AFF4: variants seen among roughly 807,000 people sequenced by gnomAD.
The protein encoded by AFF4 is ALF transcription elongation factor 4, also known as AF4/FMR2 family member 4.
A neutral mutation model predicts 124.8 loss-of-function variants in AFF4; 13 were observed. The observed-to-expected ratio is 0.10, with a 90% confidence interval of 0.07 to 0.17. The LOEUF is 0.17. AFF4 is among the 10% of genes least tolerant of loss of function. AFF4 has a pLI of 1.00. For missense variants in AFF4, 1,092 were observed against 1,403.8 expected, an observed-to-expected ratio of 0.78 and a Z score of 3.55; for synonymous variants, 477 against 496.1, an observed-to-expected ratio of 0.96 and a Z score of 0.51.
chr5:132,902,821 C>T (rs561498349), intron 6 of AFF4, among the ~76,000 whole-genome samples: 51 of 152,164 alleles, frequency 3.4e-4, no homozygotes, highest in South Asian at 1.0e-3. Flanking sequence ...GAGGAATACA[C>T]GAACACACAA....
intron 2 of AFF4, among the ~76,000 whole-genome samples, chr5:132,935,278 A>G (rs1259811003): frequency 6.6e-6 from 1 of 152,222 alleles, no homozygotes; most frequent in Non-Finnish European, 1.5e-5. Flanking sequence ...ACCTGTGAAG[A>G]GCAACTGCAC....
At chr5:132,902,340 G>T in intron 7 of AFF4, 102 bp downstream of exon 7, 1 of 985,888 alleles carries the variant, frequency 1.0e-6, no homozygotes. Context: ...CAGCCACCCT[G>T]CCCAGCCTCA....
chr5:132,958,986 A>G (rs1762020491), intron 1 of AFF4, among the ~76,000 whole-genome samples: 1 of 152,192 alleles, frequency 6.6e-6, no homozygotes, highest in African/African-American at 2.4e-5. Context: ...GGAAATGATT[A>G]TTGAAGTAAT....
intron 1 of AFF4, among the ~76,000 whole-genome samples, chr5:132,954,644 T>C (rs1042898774): frequency 1.4e-5 from 2 of 143,172 alleles, no homozygotes; most frequent in Non-Finnish European, 3.0e-5. Flanking sequence ...GCCTCCCGGG[T>C]TCACGCCATT....
At chr5:132,957,464 G>A (rs1761989269) in intron 1 of AFF4, among the ~76,000 whole-genome samples, 1 of 152,088 alleles carries the variant, frequency 6.6e-6, no homozygotes, top group Admixed American at 6.6e-5. Flanking sequence ...CGGGTGCAGT[G>A]GCTCATACGT....
intron 1 of AFF4, among the ~76,000 whole-genome samples, chr5:132,939,772 G>C (rs188977578): frequency 1.3e-5 from 2 of 151,900 alleles, no homozygotes; most frequent in Non-Finnish European, 2.9e-5. Flanking sequence ...CACCACGCCC[G>C]GCTAATTTTT....
intron 1 of AFF4, among the ~76,000 whole-genome samples, chr5:132,949,710 G>A (rs1038873792): frequency 2.2e-4 from 33 of 148,572 alleles, no homozygotes; most frequent in Middle Eastern, 7.1e-3. Flanking sequence ...ACGCGCGCGC[G>A]CGCGCGCCAG....
intron 13 of AFF4, among the ~76,000 whole-genome samples, chr5:132,889,523 T>C (rs1443165799): frequency 6.6e-6 from 1 of 152,210 alleles, no homozygotes; most frequent in Non-Finnish European, 1.5e-5. Context: ...AAAACAGCAA[T>C]AATATTAATA....
At chr5:132,885,499 G>A (rs996810695) in intron 18 of AFF4, among the ~76,000 whole-genome samples, 1 of 151,472 alleles carries the variant, frequency 6.6e-6, no homozygotes, top group African/African-American at 2.4e-5. Flanking sequence ...GGAGAGGGGA[G>A]AGATGAATCA....
chr5:132,912,646 C>A (rs956221031), intron 5 of AFF4, among the ~76,000 whole-genome samples: 1 of 152,024 alleles, frequency 6.6e-6, no homozygotes, highest in Non-Finnish European at 1.5e-5. Context: ...TAGGTGTGAG[C>A]CATTGCGCCC....
chr5:132,907,012 G>T (rs1238484989), intron 5 of AFF4, among the ~76,000 whole-genome samples: 2 of 151,990 alleles, frequency 1.3e-5, no homozygotes, highest in Non-Finnish European at 2.9e-5. Context: ...CATTTACTTG[G>T]TAAATGGCCT....
At chr5:132,912,763 C>T (rs377291245) in intron 5 of AFF4, among the ~76,000 whole-genome samples, 57 of 151,764 alleles carry the variant, frequency 3.8e-4, no homozygotes, top group East Asian at 2.3e-3. Flanking sequence ...GATTCTACGA[C>T]GGGAGAAATG....
intron 17 of AFF4, among the ~76,000 whole-genome samples, chr5:132,886,740 A>G (rs1264447703): frequency 6.6e-6 from 1 of 152,256 alleles, no homozygotes; most frequent in Non-Finnish European, 1.5e-5. Flanking sequence ...TTAAAAAACA[A>G]AAACTAGGAA....
chr5:132,883,312 C>G lies in AFF4; in HGVS notation c.3364+28G>C, dbSNP rs377180468. 5 of 1,600,884 alleles carry G rather than the reference C, an allele frequency of 3.1e-6. No homozygotes were observed. In the African/African-American group the frequency reaches 5.4e-5, roughly 17 times the overall value. Reference sequence around the variant, plus strand: ...AAAGTTCCTTCTAACAATTCCATCCCTTGAAGTTTATCCAGAAACCTACCT... The same window carrying G: ...AAAGTTCCTTCTAACAATTCCATCCGTTGAAGTTTATCCAGAAACCTACCT... On this transcript the variant is annotated intron_variant, in intron 20 of 20. Coordinates refer to ENST00000265343, the MANE Select transcript of AFF4 (RefSeq NM_014423.4).
At chr5:132,888,008 G>A in intron 15 of AFF4, 26 bp from the exon 16 acceptor site, 1 of 1,612,392 alleles carries the variant, frequency 6.2e-7, no homozygotes. Flanking sequence ...TGCAAGTAAT[G>A]AGTAATGATC....
chr5:132,929,082 A>G (rs1394915135), intron 4 of AFF4, among the ~76,000 whole-genome samples: 1 of 151,584 alleles, frequency 6.6e-6, no homozygotes, highest in Non-Finnish European at 1.5e-5. Flanking sequence ...TTTAGAGTGA[A>G]TTTTTTTTTA....
At position 132,885,090 on chromosome 5, in the gene AFF4, C is replaced by A. The variant is rs531149803; in HGVS notation, c.3129G>T (p.Ser1043=). The change falls in exon 19 of 21, where the codon TCG becomes TCT. Residue 1043 remains serine (S), a synonymous_variant. Coordinates refer to ENST00000265343, the MANE Select transcript of AFF4 (RefSeq NM_014423.4). Reference sequence around the variant, plus strand: ...ATTTTACCTACCTTCCCAAGCCAGGCGATGGTGCTTGAGAATTATTATAAG... The same window carrying A: ...ATTTTACCTACCTTCCCAAGCCAGGAGATGGTGCTTGAGAATTATTATAAG... ...KNSYNNSQAP[S]PGLGSKAVGM... 31 of 1,595,600 alleles carry A rather than the reference C, an allele frequency of 1.9e-5. No individual in the cohort carries two copies. In the East Asian group the frequency reaches 2.9e-4, roughly 15 times the overall value.
intron 1 of AFF4, among the ~76,000 whole-genome samples, chr5:132,955,822 A>G (rs1044964716): frequency 8.9e-5 from 13 of 146,198 alleles, no homozygotes; most frequent in Admixed American, 3.5e-4. Flanking sequence ...ATACACACAC[A>G]CACACAAAAT....
intron 4 of AFF4, among the ~76,000 whole-genome samples, chr5:132,929,025 G>A (rs1761243359): frequency 6.6e-6 from 1 of 152,124 alleles, no homozygotes; most frequent in African/African-American, 2.4e-5. Flanking sequence ...CAAAGTAGGT[G>A]CTTAATGAGC....
Sources: allele counts gnomAD v4.1 joint callset (sites outside exome capture counted in the v4.1 genomes callset), GRCh38; gene constraint gnomAD v4.1.1; transcripts MANE v1.5; gene names NCBI Gene and HGNC (gene_info 2026-07-23, HGNC 2026-07-21).